The following DTNBP1 variants were observed in gnomAD, a reference collection of about 807,000 sequenced individuals.
DTNBP1 encodes the protein dystrobrevin binding protein 1.
A neutral mutation model predicts 42.8 loss-of-function variants in DTNBP1; 35 were observed. The ratio of observed to expected loss-of-function variants is 0.82; its 90% CI spans 0.63 to 1.09. The LOEUF is 1.09. Among genes scored for constraint, DTNBP1 ranks in the 50% least tolerant of loss-of-function variants. DTNBP1 has a pLI of 0.00. For synonymous variants in DTNBP1, 171 were observed against 162.2 expected (o/e 1.05, Z -0.41); for missense variants, 457 against 424.2 (o/e 1.08, Z -0.68).
chr6:15,659,191 C>A (rs2113830453), intron 1 of DTNBP1, among the ~76,000 whole-genome samples: 1 of 152,280 alleles, frequency 6.6e-6, no homozygotes, highest in Non-Finnish European at 1.5e-5. Flanking sequence ...GATAAGGAAT[C>A]GTTCTATTTT....
At chr6:15,641,553 T>C (rs1007724772) in intron 3 of DTNBP1, among the ~76,000 whole-genome samples, 3 of 152,122 alleles carry the variant, frequency 2.0e-5, no homozygotes, top group Non-Finnish European at 4.4e-5. Flanking sequence ...AAAGCAATAC[T>C]ATTGATGGTG....
intron 7 of DTNBP1, among the ~76,000 whole-genome samples, chr6:15,551,532 CA>C (rs1269910890): frequency 6.6e-6 from 1 of 152,176 alleles, no homozygotes; most frequent in Non-Finnish European, 1.5e-5. Context: ...ACCCTTTGCT[CA>C]GACGCCTGCA....
At chr6:15,591,147 T>C (rs1291645882) in intron 7 of DTNBP1, among the ~76,000 whole-genome samples, 1 of 151,600 alleles carries the variant, frequency 6.6e-6, no homozygotes, top group Non-Finnish European at 1.5e-5. Flanking sequence ...TCTCATTCTG[T>C]GGCACAGGCT....
chr6:15,564,553 G>A (rs1774984800), intron 7 of DTNBP1, among the ~76,000 whole-genome samples: 1 of 152,038 alleles, frequency 6.6e-6, no homozygotes, highest in Non-Finnish European at 1.5e-5. Context: ...GTTTACAGGC[G>A]TGTACTACCT....
At chr6:15,613,492 G>A (rs1033838451) in intron 6 of DTNBP1, among the ~76,000 whole-genome samples, 17 of 148,394 alleles carry the variant, frequency 1.1e-4, no homozygotes, top group South Asian at 4.4e-4. Flanking sequence ...TCAGCCTCCC[G>A]AGTAGCTGGG....
At chr6:15,558,054 A>C (rs1055795411) in intron 7 of DTNBP1, among the ~76,000 whole-genome samples, 2 of 151,778 alleles carry the variant, frequency 1.3e-5, no homozygotes, top group African/African-American at 4.8e-5. Flanking sequence ...TATGTGTTCC[A>C]AAAATACTGG....
intron 3 of DTNBP1, among the ~76,000 whole-genome samples, chr6:15,643,598 G>A (rs944135937): frequency 5.3e-5 from 8 of 152,174 alleles, no homozygotes; most frequent in South Asian, 2.1e-4. Flanking sequence ...CTTCTCAGCC[G>A]AAGCTTTACA....
intron 5 of DTNBP1, among the ~76,000 whole-genome samples, chr6:15,622,508 C>T (rs1037585036): frequency 1.3e-5 from 2 of 152,166 alleles, no homozygotes; most frequent in Non-Finnish European, 2.9e-5. Flanking sequence ...CTGTCACAGC[C>T]TGCTCATTTC....
intron 4 of DTNBP1, among the ~76,000 whole-genome samples, chr6:15,635,389 G>A (rs768615725): frequency 9.9e-5 from 15 of 152,068 alleles, no homozygotes; most frequent in Non-Finnish European, 2.1e-4. Context: ...CAAATGCTGG[G>A]ATTACAGGTG....
intron 7 of DTNBP1, among the ~76,000 whole-genome samples, chr6:15,576,947 G>C (rs1206041643): frequency 6.6e-6 from 1 of 152,100 alleles, no homozygotes; most frequent in Admixed American, 6.6e-5. Context: ...CCAACAGATA[G>C]AGCAGAGAAA....
At position 15,544,075 on chromosome 6, in the gene DTNBP1, C is replaced by T. The variant is rs536047033; in HGVS notation, c.512-10680G>A. ...GGTGACACCAAGCATTTACTTCCAA[C>T]ACCTCTTATAGCCATGCCCTCCTTC... On this transcript the variant is annotated intron_variant, in intron 7 of 9. Transcript: ENST00000344537. Among the ~76,000 whole-genome samples the T allele has an allele frequency of 3.3e-5, 5 of 152,314 alleles. No homozygotes were observed. In the South Asian group the frequency reaches 1.0e-3, roughly 32 times the overall value.
At chr6:15,585,440 T>G (rs1349274693) in intron 7 of DTNBP1, among the ~76,000 whole-genome samples, 1 of 143,058 alleles carries the variant, frequency 7.0e-6, no homozygotes, top group African/African-American at 2.8e-5. Context: ...AAAAGACACA[T>G]ATTGTAAAAA....
chr6:15,557,733 G>A (rs1014458243), intron 7 of DTNBP1, among the ~76,000 whole-genome samples: 2 of 152,106 alleles, frequency 1.3e-5, no homozygotes, highest in African/African-American at 4.8e-5. Context: ...GGAAAGCTAA[G>A]TTCTCCTGTA....
At chr6:15,658,866 A>G (rs918808507) in intron 1 of DTNBP1, among the ~76,000 whole-genome samples, 2 of 152,262 alleles carry the variant, frequency 1.3e-5, no homozygotes, top group African/African-American at 4.8e-5. Context: ...AGGGGAAAAG[A>G]TCTTTGAGTG....
chr6:15,631,353 G>C (rs1759683953), intron 4 of DTNBP1, among the ~76,000 whole-genome samples: 1 of 152,102 alleles, frequency 6.6e-6, no homozygotes, highest in Non-Finnish European at 1.5e-5. Flanking sequence ...TCCTGAGGTA[G>C]CACAAATTCA....
intron 1 of DTNBP1, among the ~76,000 whole-genome samples, chr6:15,658,319 G>A (rs938138793): frequency 1.3e-5 from 2 of 152,102 alleles, no homozygotes; most frequent in African/African-American, 4.8e-5. Flanking sequence ...GATTAATCCC[G>A]GAAAAGTCAA....
chr6:15,565,361 C>T (rs1775024755), intron 7 of DTNBP1, among the ~76,000 whole-genome samples: 1 of 152,180 alleles, frequency 6.6e-6, no homozygotes, highest in Non-Finnish European at 1.5e-5. Context: ...AAAACATGTG[C>T]ACACAAAGGC....
At chr6:15,596,321 T>G (rs1040989114) in intron 6 of DTNBP1, among the ~76,000 whole-genome samples, 1 of 152,128 alleles carries the variant, frequency 6.6e-6, no homozygotes, top group Non-Finnish European at 1.5e-5. Context: ...AGGATTCCCA[T>G]CCCCTTCAGC....
At chr6:15,523,559 TTTC>T (rs1244402723) in intron 9 of DTNBP1, 20 of 1,190,904 alleles carry the variant, frequency 1.7e-5, no homozygotes, top group Middle Eastern at 3.6e-4. Flanking sequence ...ATAATCTAGA[TTTC>T]TTTTTTTTTT....
Sources: allele counts gnomAD v4.1 joint callset (sites outside exome capture counted in the v4.1 genomes callset), GRCh38; gene constraint gnomAD v4.1.1; transcripts MANE v1.5; gene names NCBI Gene and HGNC (gene_info 2026-07-23, HGNC 2026-07-21).